Variants in SAMMSON observed in about 807,000 individuals in gnomAD.
SAMMSON encodes long intergenic non-protein coding RNA 1212.
chr3:70,176,393 G>C (rs1422180739), intron 4 of SAMMSON, among the ~76,000 whole-genome samples: 2 of 152,154 alleles, frequency 1.3e-5, no homozygotes, highest in Non-Finnish European at 2.9e-5. Flanking sequence ...GGGTGAGATA[G>C]ACCCCGTTTA....
At chr3:70,078,996 C>T (rs534910953) in intron 4 of SAMMSON, among the ~76,000 whole-genome samples, 9 of 152,288 alleles carry the variant, frequency 5.9e-5, no homozygotes, top group Non-Finnish European at 2.9e-5. Flanking sequence ...GGAACACAGC[C>T]GTGCTCTTCT....
rs143920749 is a variant in SAMMSON, at chr3:70,352,041, T to C, written n.740-2134T>C. The stretch of plus-strand genomic sequence containing the variant: ...AATATTCATGTCTTTGGAGTCCTGA[T>C]AGGAGAGAAGAAAGATAGCAGGGCT... On this transcript the variant is annotated intron_variant and non_coding_transcript_variant, in intron 7 of 9. Transcript: ENST00000642114. Among the ~76,000 whole-genome samples, 1,246 of 149,964 alleles carry C rather than the reference T, an allele frequency of 8.3e-3. 8 individuals are homozygous for C. Among genetic ancestry groups the C allele is most frequent in the Non-Finnish European group, 0.012 (784 of 67,712 alleles).
At chr3:70,267,862 C>G (rs942469103) in intron 6 of SAMMSON, among the ~76,000 whole-genome samples, 1 of 151,966 alleles carries the variant, frequency 6.6e-6, no homozygotes, top group Non-Finnish European at 1.5e-5. Context: ...ATCCAGATAA[C>G]TTGTTTACCT....
At chr3:70,405,187 G>A (rs1370480032) in intron 2 of SAMMSON, among the ~76,000 whole-genome samples, 6 of 152,038 alleles carry the variant, frequency 3.9e-5, no homozygotes. Context: ...CATAATAGTA[G>A]GTGTGCTAAA....
intron 7 of SAMMSON, among the ~76,000 whole-genome samples, chr3:70,316,792 T>C (rs1464018915): frequency 1.3e-5 from 2 of 151,992 alleles, no homozygotes; most frequent in Non-Finnish European, 2.9e-5. Context: ...AGATCTTAGA[T>C]CTCACCAAAA....
At chr3:70,348,904 G>A (rs1199375035) in intron 7 of SAMMSON, among the ~76,000 whole-genome samples, 2 of 152,118 alleles carry the variant, frequency 1.3e-5, no homozygotes, top group African/African-American at 4.8e-5. Flanking sequence ...GCTATATGAA[G>A]AGAGACAATC....
chr3:70,194,062 T>G (rs1000787762), intron 4 of SAMMSON, among the ~76,000 whole-genome samples: 2 of 152,232 alleles, frequency 1.3e-5, no homozygotes, highest in Non-Finnish European at 2.9e-5. Context: ...CAAACGTAAC[T>G]TCGTATCTTC....
chr3:70,102,771 A>G (rs1164179601), intron 4 of SAMMSON, among the ~76,000 whole-genome samples: 1 of 152,194 alleles, frequency 6.6e-6, no homozygotes, highest in African/African-American at 2.4e-5. Flanking sequence ...CTCTGTAGTC[A>G]TCAGGAGAGA....
At position 70,075,605 on chromosome 3, in the gene SAMMSON, T is replaced by A. The variant is rs118037966; in HGVS notation, n.507+4040T>A. ...AAAAGAAGTTATAGTTCAATTGGTT[T>A]GTGGTTTATTTTCTATTATATTAAA... On this transcript the variant is annotated intron_variant and non_coding_transcript_variant, in intron 4 of 9. Transcript: ENST00000642114. Among the ~76,000 whole-genome samples the A allele has an allele frequency of 8.9e-4, 136 of 152,280 alleles. 1 individual carries two copies. In the East Asian group the frequency reaches 0.025, roughly 28 times the overall value.
chr3:70,223,450 T>C (rs1352769951), intron 4 of SAMMSON, among the ~76,000 whole-genome samples: 4 of 152,186 alleles, frequency 2.6e-5, no homozygotes, highest in African/African-American at 7.2e-5. Context: ...GAAAATGAGA[T>C]AGAATTAAAA....
At chr3:70,040,018 G>T (rs568498489) in intron 3 of SAMMSON, among the ~76,000 whole-genome samples, 1 of 152,148 alleles carries the variant, frequency 6.6e-6, no homozygotes, top group African/African-American at 2.4e-5. Flanking sequence ...TTGTTAGTAT[G>T]GCAACATGAT....
intron 8 of SAMMSON, among the ~76,000 whole-genome samples, chr3:70,356,586 C>T (rs1210579325): frequency 2.6e-5 from 4 of 152,116 alleles, no homozygotes; most frequent in African/African-American, 9.7e-5. Context: ...CTCTGGTCTT[C>T]CATGGTTCCT....
intron 9 of SAMMSON, among the ~76,000 whole-genome samples, chr3:70,387,067 G>C (rs1317816543): frequency 1.3e-5 from 2 of 151,994 alleles, no homozygotes; most frequent in Non-Finnish European, 2.9e-5. Flanking sequence ...CTGGAAACAA[G>C]TAGGGGGACA....
intron 4 of SAMMSON, among the ~76,000 whole-genome samples, chr3:70,182,401 T>C (rs1320695701): frequency 1.3e-5 from 2 of 152,128 alleles, no homozygotes; most frequent in East Asian, 1.9e-4. Context: ...CTGTAGGCTC[T>C]GAGAAAAGGC....
intron 1 of SAMMSON, chr3:70,009,051 T>G (rs1169844532): frequency 6.6e-6 from 1 of 152,270 alleles, no homozygotes; most frequent in African/African-American, 2.4e-5. Flanking sequence ...CAGTATTTTA[T>G]TGAGGATTTT....
At chr3:70,278,169 A>G (rs1242041073) in intron 6 of SAMMSON, among the ~76,000 whole-genome samples, 2 of 152,104 alleles carry the variant, frequency 1.3e-5, no homozygotes, top group Non-Finnish European at 2.9e-5. Flanking sequence ...TCTTATATAA[A>G]TGGGCTCATA....
intron 1 of SAMMSON, among the ~76,000 whole-genome samples, chr3:70,009,949 T>C (rs574644722): frequency 3.4e-4 from 50 of 147,298 alleles, no homozygotes; most frequent in East Asian, 1.4e-3. Flanking sequence ...TTGAGTGGTT[T>C]TGAGTGAATT....
chr3:70,426,816 T>C (rs1259800167), intron 2 of SAMMSON, among the ~76,000 whole-genome samples: 1 of 152,186 alleles, frequency 6.6e-6, no homozygotes, highest in Non-Finnish European at 1.5e-5. Flanking sequence ...AGGATGAAAG[T>C]TAAACTTTGA....
chr3:70,244,074 T>C (rs1184110134), intron 4 of SAMMSON, among the ~76,000 whole-genome samples: 1 of 152,186 alleles, frequency 6.6e-6, no homozygotes, highest in Non-Finnish European at 1.5e-5. Context: ...CGTAACTACT[T>C]TCCTAGCCTA....
Sources: allele counts gnomAD v4.1 joint callset (sites outside exome capture counted in the v4.1 genomes callset), GRCh38; gene constraint gnomAD v4.1.1; transcripts MANE v1.5; gene names NCBI Gene and HGNC (gene_info 2026-07-23, HGNC 2026-07-21).